GARNL3: variants seen among roughly 807,000 people sequenced by gnomAD.
The protein encoded by GARNL3 is GTPase activating Rap/RanGAP domain like 3, also known as GTPase-activating Rap/Ran-GAP domain-like protein 3.
In GARNL3, 63 loss-of-function variants were observed where a neutral mutation model predicts 125.0. That is an observed-to-expected ratio of 0.50 (90% confidence interval 0.41 to 0.62). The LOEUF (loss-of-function observed/expected upper bound fraction) is 0.62. Among genes scored for constraint, GARNL3 ranks in the 20% least tolerant of loss-of-function variants. GARNL3 has a pLI of 0.00. For missense variants in GARNL3, 994 were observed against 1,244.0 expected (o/e 0.80, Z 3.02); for synonymous variants, 439 against 457.5 (o/e 0.96, Z 0.52).
rs149979915 is a variant in GARNL3, at chr9:127,321,931, G to A, written c.567+1153G>A. On this transcript the variant is annotated intron_variant, in intron 6 of 27. Transcript: ENST00000373387. The stretch of plus-strand genomic sequence containing the variant: ...CTTTGCTTGTATATCTTTAAAATAC[G>A]GTTAGCTTTTAAAATAAGGTTATCA... Among the ~76,000 whole-genome samples the A allele has an allele frequency of 1.7e-4, 26 of 152,168 alleles. No homozygotes were observed. In the East Asian group the frequency reaches 3.5e-3, roughly 20 times the overall value.
chr9:127,276,256 G>T (rs957950269), intron 1 of GARNL3, among the ~76,000 whole-genome samples: 4 of 152,020 alleles, frequency 2.6e-5, no homozygotes, highest in South Asian at 2.1e-4. Context: ...CCAAGGCAAG[G>T]CTGGGATTAC....
chr9:127,297,167 C>T (rs1348371884), intron 2 of GARNL3, among the ~76,000 whole-genome samples: 4 of 152,086 alleles, frequency 2.6e-5, no homozygotes, highest in Non-Finnish European at 4.4e-5. Flanking sequence ...CACGGTCTCC[C>T]TCCCTCTGTC....
chr9:127,375,152 G>A (rs917444657), intron 22 of GARNL3, among the ~76,000 whole-genome samples: 1 of 152,128 alleles, frequency 6.6e-6, no homozygotes, highest in Non-Finnish European at 1.5e-5. Context: ...TCCACTTCTA[G>A]GAATGGATGC....
upstream of GARNL3, among the ~76,000 whole-genome samples, chr9:127,263,359 T>C (rs2131258042): frequency 6.6e-6 from 1 of 152,304 alleles, no homozygotes. Context: ...AATTTCCTAG[T>C]GGGCCTGGCT....
At position 127,339,556 on chromosome 9, in the gene GARNL3, G is replaced by T. The variant is rs930871886; in HGVS notation, c.1029-89G>T. On this transcript the variant is annotated intron_variant, in intron 12 of 27. Transcript: ENST00000373387. ...CCCACCCATGGCATGTGGGAATTCT[G>T]GGAGATACAATTCAAGTGGCGATTT... 5 of 886,948 alleles carry T rather than the reference G, an allele frequency of 5.6e-6. No homozygotes were observed. In the Admixed American group the frequency reaches 8.8e-5, roughly 16 times the overall value. 54.9% of individuals were successfully genotyped at this position (886,948 alleles called of 1,614,324 possible).
intron 2 of GARNL3, among the ~76,000 whole-genome samples, chr9:127,307,472 G>A (rs1357393248): frequency 2.0e-5 from 3 of 152,188 alleles, no homozygotes; most frequent in Non-Finnish European, 4.4e-5. Flanking sequence ...CTCTCTAGGC[G>A]AGAGAGAAAG....
Position 127,313,579 on chromosome 9 carries a change from T to A in GARNL3, c.438+20T>A, listed in dbSNP as rs1251154862. On this transcript the variant is annotated intron_variant, in intron 4 of 27. Coordinates refer to ENST00000373387, the MANE Select transcript of GARNL3 (RefSeq NM_032293.5). ...AAAACAGTAAGTATATGGCTCACACTTGAAGCAAAATTTATGCATCAGTTT... is the reference window on the plus strand; with the variant it reads ...AAAACAGTAAGTATATGGCTCACACATGAAGCAAAATTTATGCATCAGTTT... 1.3e-6 allele frequency: 2 copies of A among 1,516,130 alleles called. No homozygotes were observed. The highest frequency in any genetic ancestry group is 1.4e-5 in the African/African-American group (1 of 73,056). 93.9% of individuals were successfully genotyped at this position (1,516,130 alleles called of 1,614,324 possible). A position where few individuals can be genotyped will look rare whatever the true frequency, so the allele number is the denominator to read the frequency against.
intron 2 of GARNL3, among the ~76,000 whole-genome samples, chr9:127,246,931 CTTT>C (rs35410163): frequency 1.0e-5 from 1 of 99,250 alleles, no homozygotes; most frequent in Non-Finnish European, 1.9e-5. Flanking sequence ...GACCTTCCTT[CTTT>C]TTTTTTTTTT....
chr9:127,244,861 C>T (rs978483445), intron 2 of GARNL3, among the ~76,000 whole-genome samples: 1 of 152,204 alleles, frequency 6.6e-6, no homozygotes, highest in South Asian at 2.1e-4. Flanking sequence ...GAAACTGCCT[C>T]TCAGGTGAAT....
At chr9:127,246,154 T>G (rs1372809280) in intron 2 of GARNL3, among the ~76,000 whole-genome samples, 1 of 152,092 alleles carries the variant, frequency 6.6e-6, no homozygotes, top group Non-Finnish European at 1.5e-5. Flanking sequence ...GAGCCATTGG[T>G]CTTGACTCTC....
chr9:127,238,509 T>A (rs986443097), intron 1 of GARNL3, among the ~76,000 whole-genome samples: 11 of 152,136 alleles, frequency 7.2e-5, no homozygotes, highest in African/African-American at 2.7e-4. Context: ...ACTGTGTGCT[T>A]CTCAGGGCTG....
At chr9:127,252,993 A>G (rs2063432970) in intron 2 of GARNL3, among the ~76,000 whole-genome samples, 1 of 152,234 alleles carries the variant, frequency 6.6e-6, no homozygotes, top group Non-Finnish European at 1.5e-5. Context: ...CACTTATATT[A>G]GTGGCATTGT....
intron 1 of GARNL3, among the ~76,000 whole-genome samples, chr9:127,273,136 G>A (rs1293390343): frequency 6.6e-6 from 1 of 152,142 alleles, no homozygotes; most frequent in Non-Finnish European, 1.5e-5. Context: ...ACACACTGTA[G>A]ATGCTCAGAA....
At chr9:127,251,866 A>G (rs1362565549) in intron 2 of GARNL3, among the ~76,000 whole-genome samples, 4 of 152,238 alleles carry the variant, frequency 2.6e-5, no homozygotes, top group Admixed American at 2.6e-4. Context: ...AAAGCAGGGC[A>G]TAAATTTCCC....
At chr9:127,224,655 C>T (rs191857289) in intron 1 of GARNL3, 1,908 of 153,030 alleles carry the variant, frequency 0.012, 47 homozygotes, top group African/African-American at 0.044. Context: ...AGAGGCCGAA[C>T]TCCAAGGGAC....
intron 22 of GARNL3, among the ~76,000 whole-genome samples, chr9:127,380,173 AT>A (rs1832167223): frequency 6.6e-6 from 1 of 150,956 alleles, no homozygotes; most frequent in South Asian, 2.1e-4. Context: ...AGCCTGGGTG[AT>A]AGAGCAAGAC....
At chr9:127,245,101 G>A (rs967510082) in intron 2 of GARNL3, among the ~76,000 whole-genome samples, 1 of 152,182 alleles carries the variant, frequency 6.6e-6, no homozygotes, top group African/African-American at 2.4e-5. Flanking sequence ...GGGGCGGGGG[G>A]TTGGAGGTAA....
chr9:127,364,668 C>T lies in GARNL3; in HGVS notation c.2095-632C>T, dbSNP rs564546753. On this transcript the variant is annotated intron_variant, in intron 21 of 27. Coordinates refer to ENST00000373387, the MANE Select transcript of GARNL3 (RefSeq NM_032293.5). The surrounding 1 kb of genome is among the most constrained non-coding windows in gnomAD (Gnocchi z 4.2). ...ACACCCTTTTCATTGCACCATGCTG[C>T]CTCTCTTGACATGAAGAACAGAGAA... 3 of 152,400 alleles carry T rather than the reference C, an allele frequency of 2.0e-5. No individual in the cohort carries two copies. Among genetic ancestry groups the T allele is most frequent in the African/African-American group, 7.2e-5 (3 of 41,554 alleles). The allele number at this position is 152,400 out of a possible 1,614,324, so 9.4% of individuals were successfully genotyped here. A position where few individuals can be genotyped will look rare whatever the true frequency, so the allele number is the denominator to read the frequency against.
intron 5 of GARNL3, among the ~76,000 whole-genome samples, chr9:127,319,217 G>C (rs1243353722): frequency 1.3e-5 from 2 of 152,190 alleles, no homozygotes; most frequent in African/African-American, 4.8e-5. Flanking sequence ...GGGCGCAATG[G>C]TGCACGCCTG....
Sources: gnomAD v4.1 joint callset for allele counts (sites outside exome capture counted in the v4.1 genomes callset) on GRCh38, gnomAD v4.1.1 for gene constraint, Gnocchi (gnomAD v3.1) non-coding constraint, MANE v1.5 for transcripts, NCBI Gene and HGNC (gene_info 2026-07-23, HGNC 2026-07-21) for gene names.